Variants in SLAIN2 observed in about 807,000 individuals in gnomAD.
SLAIN2 encodes the protein SLAIN motif-containing protein 2.
A neutral mutation model predicts 56.6 loss-of-function variants in SLAIN2; 31 were observed. That is an observed-to-expected ratio of 0.55 (90% CI 0.41 to 0.74). The LOEUF (loss-of-function observed/expected upper bound fraction) is 0.74. Among genes scored for constraint, SLAIN2 ranks in the 30% least tolerant of loss-of-function variants. SLAIN2 has a pLI of 0.00. For synonymous variants in SLAIN2, 317 were observed against 284.9 expected, an observed-to-expected ratio of 1.11 and a Z score of -1.13; for missense variants, 777 against 754.2, an observed-to-expected ratio of 1.03 and a Z score of -0.35.
chr4:48,349,509 G>T (rs1200268245), intron 1 of SLAIN2, among the ~76,000 whole-genome samples: 2 of 152,200 alleles, frequency 1.3e-5, no homozygotes, highest in African/African-American at 4.8e-5. Flanking sequence ...TGTAGTGTGT[G>T]ATTTTTAAAA....
Position 48,425,978 on chromosome 4 carries a change from G to C in SLAIN2, c.*3901G>C, listed in dbSNP as rs1267042648. 1 of 152,018 alleles carries C rather than the reference G, an allele frequency of 6.6e-6. No homozygotes were observed. The highest frequency in any genetic ancestry group is 2.4e-5 in the African/African-American group (1 of 41,428). 9.4% of individuals were successfully genotyped at this position (152,018 alleles called of 1,614,324 possible). ...CTCTTTAAAAGAAATAAAAAAATCT[G>C]TTTCTTCTGATTTCGAAAGTAATAG... On this transcript the variant is annotated 3_prime_UTR_variant, in exon 8 of 8. Transcript: ENST00000264313.
chr4:48,386,371 T>G (rs1716100873), intron 6 of SLAIN2, among the ~76,000 whole-genome samples: 1 of 152,210 alleles, frequency 6.6e-6, no homozygotes, highest in African/African-American at 2.4e-5. Flanking sequence ...AGTTAGAATT[T>G]AAACCCATGT....
Position 48,383,754 on chromosome 4 carries a change from A to G in SLAIN2, c.1330A>G (p.Ile444Val), listed in dbSNP as rs1447627459. The G allele has an allele frequency of 1.4e-5, 23 of 1,612,330 alleles. No homozygotes were observed. Among genetic ancestry groups the G allele is most frequent in the Non-Finnish European group, 2.0e-5 (23 of 1,178,898 alleles). The change falls in exon 6 of 8, where the codon ATA (isoleucine) becomes GTA (valine). Residue 444 changes from isoleucine (I) to valine (V), a missense_variant. By Grantham distance (29) the Ile-to-Val change is conservative. Coordinates refer to ENST00000264313, the MANE Select transcript of SLAIN2 (RefSeq NM_020846.2). ...AAATTTTCAAGTGCCAAACGGAGGA[A>G]TACCTCGTATGCAACCTCAGGCTTC... ...DSNFQVPNGG[I>V]PRMQPQASAI...
intron 4 of SLAIN2, among the ~76,000 whole-genome samples, chr4:48,381,104 A>T (rs946832703): frequency 6.6e-6 from 1 of 152,092 alleles, no homozygotes; most frequent in Non-Finnish European, 1.5e-5. Flanking sequence ...AAAAATAAAG[A>T]ATGCTGCCTA....
At chr4:48,377,186 A>G (rs1715841078) in intron 2 of SLAIN2, among the ~76,000 whole-genome samples, 1 of 150,338 alleles carries the variant, frequency 6.7e-6, no homozygotes, top group Non-Finnish European at 1.5e-5. Context: ...ACAAAAAAAT[A>G]TATATATATT....
chr4:48,380,324 G>A (rs1307934713), intron 4 of SLAIN2, among the ~76,000 whole-genome samples: 1 of 152,028 alleles, frequency 6.6e-6, no homozygotes, highest in Non-Finnish European at 1.5e-5. Context: ...TACTATGAGG[G>A]CCATATACAA....
intron 2 of SLAIN2, among the ~76,000 whole-genome samples, chr4:48,376,259 G>A (rs548761294): frequency 6.6e-6 from 1 of 152,218 alleles, no homozygotes; most frequent in South Asian, 2.1e-4. Context: ...TTCGAAACCA[G>A]CCTGGGAGAC....
intron 6 of SLAIN2, among the ~76,000 whole-genome samples, chr4:48,413,131 G>A (rs1178629283): frequency 6.6e-6 from 1 of 152,056 alleles, no homozygotes; most frequent in East Asian, 1.9e-4. Context: ...GGGAGGCTGA[G>A]GCACGAGAGT....
chr4:48,408,530 CAAAA>C (rs3072283), intron 6 of SLAIN2, among the ~76,000 whole-genome samples: 5 of 109,044 alleles, frequency 4.6e-5, no homozygotes, highest in African/African-American at 1.5e-4. Context: ...CCGTTTTTAG[CAAAA>C]AAAAAAAAAA....
At chr4:48,349,505 G>A (rs1714955467) in intron 1 of SLAIN2, among the ~76,000 whole-genome samples, 1 of 152,202 alleles carries the variant, frequency 6.6e-6, no homozygotes, top group South Asian at 2.1e-4. Flanking sequence ...TAGATGTAGT[G>A]TGTGATTTTT....
At chr4:48,344,259 G>C (rs1311434792) in intron 1 of SLAIN2, among the ~76,000 whole-genome samples, 1 of 152,192 alleles carries the variant, frequency 6.6e-6, no homozygotes, top group Admixed American at 6.5e-5. Context: ...TTTAAAATGC[G>C]TTGGGGTATG....
chr4:48,396,759 C>T (rs758290953), intron 6 of SLAIN2, among the ~76,000 whole-genome samples: 11 of 152,046 alleles, frequency 7.2e-5, no homozygotes, highest in Non-Finnish European at 1.2e-4. Context: ...GCTAATATAT[C>T]GTAGGGGTGA....
intron 2 of SLAIN2, among the ~76,000 whole-genome samples, chr4:48,376,369 C>A (rs115410709): frequency 0.049 from 7,289 of 149,324 alleles, 247 homozygotes; most frequent in African/African-American, 0.097. Flanking sequence ...GCACAAGAAT[C>A]GTTTGAGCCC....
intron 1 of SLAIN2, among the ~76,000 whole-genome samples, chr4:48,357,343 CATT>C (rs1289974546): frequency 6.6e-6 from 1 of 151,636 alleles, no homozygotes; most frequent in Admixed American, 6.6e-5. Flanking sequence ...GAGCAGGGAA[CATT>C]GTGGCTGTTA....
chr4:48,343,326 A>T (rs1714777166), intron 1 of SLAIN2, among the ~76,000 whole-genome samples: 1 of 152,224 alleles, frequency 6.6e-6, no homozygotes, highest in African/African-American at 2.4e-5. Flanking sequence ...TTAGTAAGAT[A>T]ATTATGTATG....
chr4:48,363,766 C>A (rs1336781664), intron 1 of SLAIN2, among the ~76,000 whole-genome samples: 46 of 132,042 alleles, frequency 3.5e-4, no homozygotes, highest in Middle Eastern at 5.1e-3. Context: ...CCACCTCCCT[C>A]CCGGACGGGG....
rs953265961 is a variant in SLAIN2 at position 48,380,798 on chromosome 4, C to T, written c.862+950C>T. Among the ~76,000 whole-genome samples the T allele has an allele frequency of 6.6e-5, 10 of 152,052 alleles. No individual in the cohort carries two copies. In the South Asian group the frequency reaches 1.2e-3, roughly 19 times the overall value. ...GGCTGAGGTTAATGGAGCATTGCTA[C>T]GGTTTAGTTCAAAAACTTTCTGTTG... On this transcript the variant is annotated intron_variant, in intron 4 of 7. Coordinates refer to ENST00000264313, the MANE Select transcript of SLAIN2 (RefSeq NM_020846.2).
chr4:48,392,557 G>A (rs145130556), intron 6 of SLAIN2, among the ~76,000 whole-genome samples: 256 of 152,140 alleles, frequency 1.7e-3, no homozygotes, highest in African/African-American at 5.8e-3. Flanking sequence ...ACTGGCCTAC[G>A]TTCTGTTCTT....
chr4:48,402,214 T>TC (rs1230526737), intron 6 of SLAIN2, among the ~76,000 whole-genome samples: 7 of 151,754 alleles, frequency 4.6e-5, no homozygotes, highest in African/African-American at 7.2e-5. Flanking sequence ...TTTTTTTTTT[T>TC]CCTTCATTTC....
Sources: gnomAD v4.1 joint callset for allele counts (sites outside exome capture counted in the v4.1 genomes callset) on GRCh38, gnomAD v4.1.1 for gene constraint, MANE v1.5 for transcripts, NCBI Gene and HGNC (gene_info 2026-07-23, HGNC 2026-07-21) for gene names.